The following SOX5 variants were observed in gnomAD, a reference collection of about 807,000 sequenced individuals.
SOX5 encodes SRY-box transcription factor 5.
A neutral mutation model predicts 92.0 loss-of-function variants in SOX5; 9 were observed. The ratio of observed to expected loss-of-function variants is 0.10; its 90% CI spans 0.06 to 0.17. The LOEUF (loss-of-function observed/expected upper bound fraction) is 0.17, where lower values mean the gene tolerates loss of function less well. Ranked by LOEUF, SOX5 falls within the 10% of genes least tolerant of loss-of-function variation. SOX5 has a pLI of 1.00. For missense variants in SOX5, 642 were observed against 944.5 expected (o/e 0.68, Z 4.20); for synonymous variants, 344 against 336.3 (o/e 1.02, Z -0.25).
At chr12:23,970,030 G>T (rs1948044370) in intron 4 of SOX5, among the ~76,000 whole-genome samples, 1 of 152,174 alleles carries the variant, frequency 6.6e-6, no homozygotes, top group Non-Finnish European at 1.5e-5. Flanking sequence ...CTGCCAAAAT[G>T]AAGAAGCATG....
intron 4 of SOX5, among the ~76,000 whole-genome samples, chr12:24,099,118 C>A (rs1162392106): frequency 6.6e-6 from 1 of 152,166 alleles, no homozygotes; most frequent in Non-Finnish European, 1.5e-5. Context: ...TAATTTTCCA[C>A]AATCATAACC....
chr12:24,477,277 A>G (rs1299724512), intron 1 of SOX5, among the ~76,000 whole-genome samples: 3 of 151,866 alleles, frequency 2.0e-5, no homozygotes, highest in African/African-American at 7.3e-5. Context: ...GGGATTACAG[A>G]CATGTGCCAC....
intron 2 of SOX5, among the ~76,000 whole-genome samples, chr12:24,303,067 C>T (rs889303224): frequency 2.0e-5 from 3 of 152,042 alleles, no homozygotes; most frequent in African/African-American, 7.2e-5. Context: ...TAAGACAAGG[C>T]TTACAAATGA....
intron 4 of SOX5, among the ~76,000 whole-genome samples, chr12:24,050,206 T>C (rs1247349344): frequency 6.6e-6 from 1 of 152,046 alleles, no homozygotes; most frequent in African/African-American, 2.4e-5. Context: ...AGGTCCAGAT[T>C]AAATTATTTT....
chr12:24,114,304 C>A (rs1947720461), intron 4 of SOX5, among the ~76,000 whole-genome samples: 2 of 151,834 alleles, frequency 1.3e-5, no homozygotes, highest in South Asian at 4.1e-4. Flanking sequence ...AAGACGAGAA[C>A]AGTGGTTCAT....
intron 4 of SOX5, among the ~76,000 whole-genome samples, chr12:24,156,519 T>C (rs547121706): frequency 4.7e-4 from 72 of 152,294 alleles, no homozygotes; most frequent in Middle Eastern, 3.4e-3. Flanking sequence ...CATTCCTCCC[T>C]GATATCAGTT....
chr12:23,704,703 T>TATATATATATATATAC, intron 6 of SOX5, among the ~76,000 whole-genome samples: 1 of 131,260 alleles, frequency 7.6e-6, no homozygotes, highest in Non-Finnish European at 1.7e-5. Context: ...TATATATATA[T>TATATATATATATATAC]ATATATATAT....
At chr12:24,487,179 C>T (rs145960839) in intron 1 of SOX5, among the ~76,000 whole-genome samples, 1 of 152,186 alleles carries the variant, frequency 6.6e-6, no homozygotes, top group South Asian at 2.1e-4. Context: ...AAAATTTGAT[C>T]AAAGAAGTTA....
chr12:24,301,219 T>C (rs1947907341), intron 2 of SOX5, among the ~76,000 whole-genome samples: 1 of 152,178 alleles, frequency 6.6e-6, no homozygotes, highest in Admixed American at 6.5e-5. Flanking sequence ...ATTGAAAGTG[T>C]TCCAATTCAA....
rs141134230 is a variant in SOX5, at chr12:24,496,041, C to T, written c.-251+66288G>A. On this transcript the variant is annotated intron_variant, in intron 1 of 4. Transcript: ENST00000446891. Reference sequence around the variant, plus strand: ...ATGTGCCACAGTGATCTAAACTGTTCAAGGCAGAACAACTTTGAAACACTC... The same window carrying T: ...ATGTGCCACAGTGATCTAAACTGTTTAAGGCAGAACAACTTTGAAACACTC... Among the ~76,000 whole-genome samples the T allele has an allele frequency of 9.2e-5, 14 of 152,234 alleles. No individual in the cohort carries two copies. The East Asian group carries it at 2.5e-3, about 27-fold the overall frequency.
At chr12:24,334,853 A>G (rs905645373) in intron 2 of SOX5, among the ~76,000 whole-genome samples, 3 of 152,090 alleles carry the variant, frequency 2.0e-5, no homozygotes, top group East Asian at 3.8e-4. Context: ...ACTGATCAAA[A>G]TCAATTAAAT....
At chr12:24,129,096 T>C (rs1949396531) in intron 4 of SOX5, among the ~76,000 whole-genome samples, 1 of 152,196 alleles carries the variant, frequency 6.6e-6, no homozygotes, top group Non-Finnish European at 1.5e-5. Context: ...CACATTGTGA[T>C]TATAATGGGT....
At chr12:24,246,744 C>A (rs1938834881) in intron 3 of SOX5, among the ~76,000 whole-genome samples, 1 of 152,134 alleles carries the variant, frequency 6.6e-6, no homozygotes, top group Non-Finnish European at 1.5e-5. Context: ...ATTTTCAACA[C>A]CATTATAATT....
Position 24,276,630 on chromosome 12 carries a change from A to G in SOX5, c.-77+586T>C, listed in dbSNP as rs74803859. 6.3e-3 allele frequency among the ~76,000 whole-genome samples: 962 copies of G among 152,298 alleles called. 11 individuals carry two copies. The highest frequency in any genetic ancestry group is 0.022 in the African/African-American group (907 of 41,584). On this transcript the variant is annotated intron_variant, in intron 3 of 4. Coordinates refer to the SOX5 transcript ENST00000446891. Reference sequence around the variant, plus strand: ...ACTCTAGATCTGTGGTCAAACTTTCAGTGCCTGTTCCCAAGAGTATAACAT... The same window carrying G: ...ACTCTAGATCTGTGGTCAAACTTTCGGTGCCTGTTCCCAAGAGTATAACAT...
chr12:24,479,824 C>T (rs960813689), intron 1 of SOX5, among the ~76,000 whole-genome samples: 5 of 152,044 alleles, frequency 3.3e-5, no homozygotes, highest in African/African-American at 1.2e-4. Context: ...CACCACCATG[C>T]CTGGCTAATT....
intron 2 of SOX5, among the ~76,000 whole-genome samples, chr12:24,281,008 GAAA>G (rs3031153): frequency 0.04 from 5,743 of 141,884 alleles, 158 homozygotes; most frequent in East Asian, 0.1. Context: ...AGAGAGGAAA[GAAA>G]AAAAAAAAAA....
At chr12:24,070,362 C>T (rs988357158) in intron 4 of SOX5, among the ~76,000 whole-genome samples, 1 of 151,960 alleles carries the variant, frequency 6.6e-6, no homozygotes, top group East Asian at 1.9e-4. Flanking sequence ...TTGATCACAC[C>T]CTAGTAAAAA....
intron 1 of SOX5, among the ~76,000 whole-genome samples, chr12:24,474,588 T>G (rs902527455): frequency 1.1e-4 from 16 of 152,176 alleles, no homozygotes; most frequent in Non-Finnish European, 2.1e-4. Flanking sequence ...CAGGCTGGAG[T>G]GCAGTGGCGT....
intron 2 of SOX5, among the ~76,000 whole-genome samples, chr12:24,351,829 G>C (rs138764798): frequency 3.2e-4 from 49 of 152,276 alleles, no homozygotes; most frequent in African/African-American, 1.1e-3. Flanking sequence ...TAGATTATTT[G>C]CACTTACTTT....
Sources: allele counts gnomAD v4.1 joint callset (sites outside exome capture counted in the v4.1 genomes callset), GRCh38; gene constraint gnomAD v4.1.1; transcripts MANE v1.5; gene names NCBI Gene and HGNC (gene_info 2026-07-23, HGNC 2026-07-21).